The following VWA3B variants were observed in gnomAD, a reference collection of about 807,000 sequenced individuals.
VWA3B encodes von Willebrand factor A domain-containing protein 3B.
VWA3B carries 138 observed loss-of-function variants against 158.3 expected under a neutral mutation model. That is an observed-to-expected ratio of 0.87 (90% CI 0.76 to 1.00). VWA3B has a LOEUF of 1.00. Among genes scored for constraint, VWA3B ranks in the 50% least tolerant of loss-of-function variants. The pLI, the probability that VWA3B is intolerant of heterozygous loss-of-function variation, is 0.00. For missense variants in VWA3B, 1,555 were observed against 1,565.1 expected (o/e 0.99, Z 0.11); for synonymous variants, 596 against 587.3 (o/e 1.01, Z -0.21).
chr2:98,304,454 AC>A (rs1416989536), intron 26 of VWA3B, among the ~76,000 whole-genome samples: 1 of 152,092 alleles, frequency 6.6e-6, no homozygotes, highest in Non-Finnish European at 1.5e-5. Flanking sequence ...GGGGAAAAGG[AC>A]CCAGGAAACA....
intron 7 of VWA3B, among the ~76,000 whole-genome samples, chr2:98,135,300 G>A (rs1205401950): frequency 6.8e-6 from 1 of 147,766 alleles, no homozygotes; most frequent in Non-Finnish European, 1.5e-5. Flanking sequence ...TTTGAAGCAT[G>A]CAAATTACAT....
At chr2:98,207,808 T>C (rs539825580) in intron 12 of VWA3B, 1 of 238,288 alleles carries the variant, frequency 4.2e-6, no homozygotes, top group African/African-American at 2.2e-5. Flanking sequence ...CAGCTTCAGG[T>C]TTCGGTGTAA....
intron 14 of VWA3B, among the ~76,000 whole-genome samples, chr2:98,225,021 C>T (rs1684806957): frequency 6.6e-6 from 1 of 152,184 alleles, no homozygotes; most frequent in Non-Finnish European, 1.5e-5. Flanking sequence ...GCAATCTCCA[C>T]CTCTATGGTT....
chr2:98,180,967 T>C (rs1327267823), intron 8 of VWA3B, 49 bp from the exon 9 acceptor site: 2 of 1,578,580 alleles, frequency 1.3e-6, no homozygotes. Flanking sequence ...GGGGGTGTAA[T>C]ATGAATGGCT....
chr2:98,128,293 CTT>C lies in VWA3B; in HGVS notation c.758_759del (p.Leu253ProfsTer60). 1 of 1,614,192 alleles carries C rather than the reference CTT, an allele frequency of 6.2e-7. No individual in the cohort carries two copies. Among genetic ancestry groups the C allele is most frequent in the Non-Finnish European group, 8.5e-7 (1 of 1,180,036 alleles). ...GGATGTTCCTGAAGAATCCAAGGAG[CTT>C]CTCCTCCAGAGGGCCTTGGAGATCC... ...VGDVPEESKE[L>X]LLQRALEIPC... is the part of the protein sequence containing the mutation. On this transcript the variant is annotated frameshift_variant, in exon 6 of 28. Coordinates refer to ENST00000477737, the MANE Select transcript of VWA3B (RefSeq NM_144992.5). LOFTEE classifies it high-confidence loss of function.
rs186388436 is a variant in VWA3B, at chr2:98,116,605, C to T, written c.291+859C>T. On this transcript the variant is annotated intron_variant, in intron 3 of 27. Transcript: ENST00000477737. Reference sequence around the variant, plus strand: ...CACTGCAGCCTTGACCTCCCGGGTCCGAGCGATCCTCCCACCTCAGCCCTC... The same window carrying T: ...CACTGCAGCCTTGACCTCCCGGGTCTGAGCGATCCTCCCACCTCAGCCCTC... Among the ~76,000 whole-genome samples, 8 of 152,276 alleles carry T rather than the reference C, an allele frequency of 5.3e-5. No individual in the cohort carries two copies. In the East Asian group the frequency reaches 7.7e-4, roughly 15 times the overall value.
intron 14 of VWA3B, among the ~76,000 whole-genome samples, chr2:98,223,878 G>A (rs1684703848): frequency 1.3e-5 from 2 of 152,010 alleles, no homozygotes; most frequent in South Asian, 4.1e-4. Context: ...CTACAGGCGT[G>A]TGCCACCATG....
chr2:98,184,668 T>C (rs1482190324), intron 9 of VWA3B, among the ~76,000 whole-genome samples: 2 of 152,216 alleles, frequency 1.3e-5, no homozygotes, highest in Non-Finnish European at 2.9e-5. Flanking sequence ...CCTGATTGCT[T>C]CCAGGCCTCT....
In VWA3B at chr2:98,169,931, C is replaced by T. The variant is rs542609908; in HGVS notation, c.1114+6955C>T. On this transcript the variant is annotated intron_variant, in intron 8 of 27. Coordinates refer to ENST00000477737, the MANE Select transcript of VWA3B (RefSeq NM_144992.5). The stretch of plus-strand genomic sequence containing the variant: ...CCCAGGAGTTTGAGACCATCCTGGG[C>T]GACATGGCAAAACCCCGCCTCAACA... Among the ~76,000 whole-genome samples the T allele has an allele frequency of 4.2e-4, 64 of 151,914 alleles. 1 individual carries two copies. In the South Asian group the frequency reaches 0.012, roughly 29 times the overall value.
intron 12 of VWA3B, chr2:98,207,684 A>C: frequency 2.4e-6 from 1 of 423,164 alleles, no homozygotes. Context: ...GAACCCATTG[A>C]AGAAGGTTTG....
chr2:98,112,984 A>G (rs76736505), intron 2 of VWA3B, among the ~76,000 whole-genome samples: 2,748 of 151,492 alleles, frequency 0.018, 42 homozygotes, highest in South Asian at 0.05. Context: ...TTTCTTTTCA[A>G]TTTCTCTGCT....
At chr2:98,216,037 G>C (rs902639875) in intron 13 of VWA3B, among the ~76,000 whole-genome samples, 1 of 152,106 alleles carries the variant, frequency 6.6e-6, no homozygotes, top group Non-Finnish European at 1.5e-5. Context: ...AATGTGTAAG[G>C]CCCGTGTTAT....
Position 98,250,410 on chromosome 2 carries a change from G to T in VWA3B, c.2766G>T (p.Val922=), listed in dbSNP as rs193177922. The T allele has an allele frequency of 1.2e-6, 2 of 1,611,880 alleles. No homozygotes were observed. The highest frequency in any genetic ancestry group is 1.7e-4 in the Middle Eastern group (1 of 6,056). ...AACTCAATATCTACAAGCGAAAAGT[G>T]GAACAGGCAATTCAATCCTATGAAA... ...GAKLNIYKRK[V]EQAIQSYEKR... is the part of the protein sequence containing the mutation. Residue 922 remains valine, a synonymous_variant, in exon 20 of 28, where the codon GTG becomes GTT. Transcript: ENST00000477737.
rs146569372 is a variant in VWA3B at position 98,205,667 on chromosome 2, T to C, written c.1738-6263T>C. Among the ~76,000 whole-genome samples the C allele has an allele frequency of 8.6e-3, 1,305 of 152,334 alleles. 13 individuals are homozygous for C. Among genetic ancestry groups the C allele is most frequent in the South Asian group, 0.034 (163 of 4,830 alleles). On this transcript the variant is annotated intron_variant, in intron 12 of 27. Coordinates refer to ENST00000477737, the MANE Select transcript of VWA3B (RefSeq NM_144992.5). ...TATTGTAAGTAAGCTTTTAGTACCA[T>C]AAATTTTCCTGCCAGAATTATGTTG...
intron 22 of VWA3B, among the ~76,000 whole-genome samples, chr2:98,271,926 G>A (rs1688223470): frequency 6.6e-6 from 1 of 152,078 alleles, no homozygotes; most frequent in Admixed American, 6.5e-5. Context: ...AGTGTTGGAG[G>A]TGGGACATTT....
chr2:98,234,149 T>C (rs968052147), intron 16 of VWA3B, among the ~76,000 whole-genome samples: 2 of 152,206 alleles, frequency 1.3e-5, no homozygotes, highest in Non-Finnish European at 2.9e-5. Context: ...GACCAGGTTA[T>C]GCTGACCTAG....
At chr2:98,291,216 G>A (rs1689476269) in intron 23 of VWA3B, 1 of 153,504 alleles carries the variant, frequency 6.5e-6, no homozygotes, top group Admixed American at 6.5e-5. Flanking sequence ...GCGGTGCCCA[G>A]GCCTCAGGGT....
intron 7 of VWA3B, among the ~76,000 whole-genome samples, chr2:98,148,567 G>A (rs1166203851): frequency 2.0e-5 from 3 of 152,064 alleles, no homozygotes; most frequent in East Asian, 1.9e-4. Context: ...CAGTTCCTTC[G>A]TAACTGTATT....
intron 20 of VWA3B, among the ~76,000 whole-genome samples, chr2:98,252,042 C>T (rs990715891): frequency 6.6e-6 from 1 of 152,176 alleles, no homozygotes; most frequent in African/African-American, 2.4e-5. Flanking sequence ...GGCTCCTCTC[C>T]GGTTATGCTG....
Sources: allele counts gnomAD v4.1 joint callset (sites outside exome capture counted in the v4.1 genomes callset), GRCh38; gene constraint gnomAD v4.1.1; transcripts MANE v1.5; gene names NCBI Gene and HGNC (gene_info 2026-07-23, HGNC 2026-07-21).